RBMS3: variants seen among roughly 807,000 people sequenced by gnomAD.
RBMS3 encodes the protein RNA binding motif single stranded interacting protein 3, also known as RNA-binding motif, single-stranded-interacting protein 3.
RBMS3 carries 27 observed loss-of-function variants against 66.8 expected under a neutral mutation model. That is an observed-to-expected ratio of 0.40 (90% CI 0.30 to 0.56). The LOEUF (loss-of-function observed/expected upper bound fraction) is 0.56. RBMS3 is among the 20% of genes least tolerant of loss of function. The pLI, the probability that RBMS3 is intolerant of heterozygous loss-of-function variation, is 0.40. For synonymous variants in RBMS3, 188 were observed against 183.0 expected (o/e 1.03, Z -0.22); for missense variants, 513 against 549.5 (o/e 0.93, Z 0.66).
intron 6 of RBMS3, among the ~76,000 whole-genome samples, chr3:29,823,386 A>G (rs13319426): frequency 1.5e-3 from 221 of 152,346 alleles, no homozygotes; most frequent in African/African-American, 5.1e-3. Flanking sequence ...ATTCACCCAT[A>G]CTAATTCTGG....
At chr3:29,990,905 A>G (rs1264122799) in intron 13 of RBMS3, among the ~76,000 whole-genome samples, 177 bp from the exon 14 acceptor site, 1 of 152,188 alleles carries the variant, frequency 6.6e-6, no homozygotes, top group Non-Finnish European at 1.5e-5. Context: ...ATTAGGATGA[A>G]TTACTTAGCC....
chr3:29,876,962 A>G (rs7651150), intron 7 of RBMS3, among the ~76,000 whole-genome samples: 46,538 of 152,124 alleles, frequency 0.31, 9,798 homozygotes, highest in African/African-American at 0.61. Flanking sequence ...TTTGCCTCTC[A>G]CAAGAGCAAT....
chr3:29,868,006 T>C (rs1001196368), intron 6 of RBMS3, among the ~76,000 whole-genome samples: 7 of 152,108 alleles, frequency 4.6e-5, no homozygotes, highest in Non-Finnish European at 8.8e-5. Context: ...TAAAAATATA[T>C]TTATTGTGAT....
At chr3:29,702,558 C>G (rs1015550858) in intron 4 of RBMS3, among the ~76,000 whole-genome samples, 1 of 152,096 alleles carries the variant, frequency 6.6e-6, no homozygotes, top group East Asian at 1.9e-4. Context: ...TTTTTGAGTC[C>G]ACACCATCTT....
chr3:29,297,165 T>A (rs1384489151), intron 1 of RBMS3, among the ~76,000 whole-genome samples: 2 of 151,714 alleles, frequency 1.3e-5, no homozygotes, highest in African/African-American at 2.4e-5. Flanking sequence ...CAGAGTTTCT[T>A]TACTTTTTAA....
chr3:29,325,577 T>A (rs2035278089), intron 1 of RBMS3, among the ~76,000 whole-genome samples: 1 of 151,062 alleles, frequency 6.6e-6, no homozygotes, highest in Admixed American at 6.6e-5. Context: ...TATATATACA[T>A]GTGTGTATGT....
At chr3:29,762,298 A>C (rs1334502603) in intron 5 of RBMS3, among the ~76,000 whole-genome samples, 1 of 150,474 alleles carries the variant, frequency 6.6e-6, no homozygotes, top group African/African-American at 2.5e-5. Flanking sequence ...GTCTTACATA[A>C]AGTGGATTTT....
intron 3 of RBMS3, among the ~76,000 whole-genome samples, chr3:29,524,504 C>T (rs2045003324): frequency 7.0e-6 from 1 of 142,708 alleles, no homozygotes; most frequent in African/African-American, 2.6e-5. Flanking sequence ...CTCGGTTTAC[C>T]ACAATCTCCG....
intron 6 of RBMS3, among the ~76,000 whole-genome samples, chr3:29,772,909 A>G (rs758659022): frequency 5.3e-4 from 81 of 152,210 alleles, no homozygotes; most frequent in Non-Finnish European, 7.4e-4. Context: ...TGAAACAAGA[A>G]GCTTTGGGAA....
intron 1 of RBMS3, among the ~76,000 whole-genome samples, chr3:29,341,576 T>C (rs2036286250): frequency 1.3e-5 from 2 of 152,074 alleles, no homozygotes; most frequent in African/African-American, 4.8e-5. Context: ...CTCAAGGAGG[T>C]AAAGTGAATT....
Position 29,821,403 on chromosome 3 carries a change from G to T in RBMS3, c.638-47455G>T, listed in dbSNP as rs544551274. Among the ~76,000 whole-genome samples the T allele has an allele frequency of 6.6e-5, 10 of 152,196 alleles. No individual in the cohort carries two copies. The East Asian group carries it at 7.7e-4, about 12-fold the overall frequency. ...AGGCTTATTTCTACACCTGGAAATAGTCTACAATGCTACTGGACAGGAATC... is the reference window on the plus strand; with the variant it reads ...AGGCTTATTTCTACACCTGGAAATATTCTACAATGCTACTGGACAGGAATC... On this transcript the variant is annotated intron_variant, in intron 6 of 14. Coordinates refer to ENST00000383767, the MANE Select transcript of RBMS3 (RefSeq NM_001003793.3).
chr3:29,614,136 T>A (rs951570281), intron 4 of RBMS3, among the ~76,000 whole-genome samples: 3 of 152,090 alleles, frequency 2.0e-5, no homozygotes, highest in Non-Finnish European at 4.4e-5. Flanking sequence ...GGAATACTAT[T>A]CAGCCTTAAA....
chr3:29,407,903 A>T (rs1022700961), intron 1 of RBMS3, among the ~76,000 whole-genome samples: 1 of 152,222 alleles, frequency 6.6e-6, no homozygotes, highest in African/African-American at 2.4e-5. Flanking sequence ...GTAAATAAAT[A>T]TTAATATCCT....
intron 4 of RBMS3, among the ~76,000 whole-genome samples, chr3:29,620,542 C>T (rs1336452831): frequency 2.0e-5 from 3 of 152,040 alleles, no homozygotes; most frequent in African/African-American, 4.8e-5. Context: ...AGGTGGTCCA[C>T]TTACTGTGTA....
intron 1 of RBMS3, among the ~76,000 whole-genome samples, chr3:29,417,920 T>G (rs550598184): frequency 6.6e-6 from 1 of 152,320 alleles, no homozygotes; most frequent in South Asian, 2.1e-4. Flanking sequence ...ACATTATTTT[T>G]ACTCCATCTC....
At chr3:29,538,447 G>C (rs1422903765) in intron 3 of RBMS3, among the ~76,000 whole-genome samples, 1 of 152,166 alleles carries the variant, frequency 6.6e-6, no homozygotes, top group Admixed American at 6.5e-5. Flanking sequence ...AAACAAAAAG[G>C]ATACAAATAA....
chr3:29,449,606 A>G (rs1332773273), intron 2 of RBMS3, among the ~76,000 whole-genome samples: 1 of 152,222 alleles, frequency 6.6e-6, no homozygotes, highest in Non-Finnish European at 1.5e-5. Context: ...ACCACTTTTT[A>G]ATTCTATTAA....
At chr3:29,595,529 T>C (rs111602030) in intron 4 of RBMS3, among the ~76,000 whole-genome samples, 2,151 of 152,270 alleles carry the variant, frequency 0.014, 44 homozygotes, top group African/African-American at 0.049. Context: ...GATGTACTGT[T>C]GAGAAAACCA....
At chr3:29,999,420 C>T (rs563278600) in intron 14 of RBMS3, among the ~76,000 whole-genome samples, 1 of 152,118 alleles carries the variant, frequency 6.6e-6, no homozygotes, top group Non-Finnish European at 1.5e-5. Context: ...TGGGTATATA[C>T]CCAAAGGATT....
Sources: allele counts gnomAD v4.1 joint callset (sites outside exome capture counted in the v4.1 genomes callset), GRCh38; gene constraint gnomAD v4.1.1; transcripts MANE v1.5; gene names NCBI Gene and HGNC (gene_info 2026-07-23, HGNC 2026-07-21).